NLGN1: variants seen among roughly 807,000 people sequenced by gnomAD.
NLGN1 encodes neuroligin 1, also known as neuroligin-1.
A neutral mutation model predicts 65.5 loss-of-function variants in NLGN1; 12 were observed. That is an observed-to-expected ratio of 0.18 (90% CI 0.12 to 0.30). NLGN1 has a LOEUF of 0.30. NLGN1 is among the 10% of genes least tolerant of loss of function. The pLI is 1.00. For synonymous variants in NLGN1, 350 were observed against 359.5 expected (o/e 0.97, Z 0.30); for missense variants, 750 against 1,007.1 (o/e 0.74, Z 3.46).
intron 4 of NLGN1, among the ~76,000 whole-genome samples, chr3:173,953,204 T>C (rs1382667567): frequency 6.6e-6 from 1 of 152,242 alleles, no homozygotes; most frequent in African/African-American, 2.4e-5. Flanking sequence ...TTTAAACATG[T>C]AAGTGACTGT....
chr3:173,749,428 C>T (rs1485313443), intron 3 of NLGN1, among the ~76,000 whole-genome samples: 1 of 152,128 alleles, frequency 6.6e-6, no homozygotes, highest in South Asian at 2.1e-4. Flanking sequence ...CTTGAAGATA[C>T]TCTTCTAAAT....
chr3:174,294,286 T>C, the NLGN1 span, among the ~76,000 whole-genome samples: 3 of 151,944 alleles, frequency 2.0e-5, no homozygotes, highest in Non-Finnish European at 4.4e-5. Flanking sequence ...TCCTTTACTT[T>C]GTATATTTTT....
At chr3:173,397,427 TTC>T (rs754812960), upstream of NLGN1, among the ~76,000 whole-genome samples, 147 of 152,260 alleles carry the variant, frequency 9.7e-4, no homozygotes, top group Non-Finnish European at 1.4e-3. Context: ...CCCTCATTTC[TTC>T]TTCTGTGCCG....
intron 3 of NLGN1, 140 bp from the exon 4 acceptor site, chr3:173,807,540 A>C (rs1054476708): frequency 2.3e-6 from 2 of 882,268 alleles, no homozygotes; most frequent in Non-Finnish European, 1.7e-6. Context: ...GAGTTGCTTA[A>C]GAAACACTTT....
chr3:173,817,093 T>C (rs1719181049), intron 4 of NLGN1, among the ~76,000 whole-genome samples: 1 of 152,144 alleles, frequency 6.6e-6, no homozygotes, highest in African/African-American at 2.4e-5. Context: ...CAATAGGTGT[T>C]GATCAGATGT....
Position 174,266,450 on chromosome 3 carries a change from A to T in NLGN1, c.647-8865A>T, listed in dbSNP as rs112641634. On this transcript the variant is annotated intron_variant, in intron 4 of 6. Coordinates refer to ENST00000457714, the Ensembl canonical transcript of NLGN1. The stretch of plus-strand genomic sequence containing the variant: ...ATATGTACGACATTTTCTTTATCCA[A>T]TCCACCACTGATGGGTATCTATGTT... Among the ~76,000 whole-genome samples the T allele has an allele frequency of 2.8e-3, 422 of 152,154 alleles. 2 individuals are homozygous for T. Among genetic ancestry groups the T allele is most frequent in the African/African-American group, 9.9e-3 (413 of 41,518 alleles).
intron 4 of NLGN1, among the ~76,000 whole-genome samples, chr3:173,985,078 T>G (rs1204097505): frequency 6.6e-6 from 1 of 152,134 alleles, no homozygotes; most frequent in Non-Finnish European, 1.5e-5. Context: ...GGTGCCAAAC[T>G]TCAAGGATGT....
At chr3:173,935,827 A>G (rs756869456) in intron 4 of NLGN1, among the ~76,000 whole-genome samples, 13 of 152,000 alleles carry the variant, frequency 8.6e-5, no homozygotes, top group Non-Finnish European at 1.6e-4. Context: ...AGGATTAAAA[A>G]TTACTAGAAT....
intron 2 of NLGN1, chr3:173,435,146 A>G (rs1717877882): frequency 6.6e-6 from 1 of 152,586 alleles, no homozygotes; most frequent in South Asian, 2.1e-4. Flanking sequence ...AAAAGCTCCC[A>G]CGGCAAAACA....
intron 4 of NLGN1, among the ~76,000 whole-genome samples, chr3:174,115,727 A>C (rs1380913116): frequency 6.6e-6 from 1 of 152,188 alleles, no homozygotes; most frequent in East Asian, 1.9e-4. Flanking sequence ...TGTCACAATA[A>C]CAAAGACAAA....
At chr3:174,272,655 ATG>A (rs1195873566) in intron 4 of NLGN1, among the ~76,000 whole-genome samples, 1 of 117,096 alleles carries the variant, frequency 8.5e-6, no homozygotes, top group African/African-American at 3.2e-5. Flanking sequence ...ATATGGATGG[ATG>A]GATGGATGGA....
intron 2 of NLGN1, among the ~76,000 whole-genome samples, chr3:173,602,617 T>C (rs182460782): frequency 6.6e-6 from 1 of 152,142 alleles, no homozygotes; most frequent in Non-Finnish European, 1.5e-5. Context: ...GTATTTGATA[T>C]CAGTTGTGCG....
chr3:173,789,224 GAA>G (rs779735911), intron 3 of NLGN1, among the ~76,000 whole-genome samples: 7 of 151,532 alleles, frequency 4.6e-5, no homozygotes, highest in African/African-American at 1.7e-4. Context: ...GAGAGAGAGA[GAA>G]AGAAAGAAGG....
chr3:174,122,910 A>G (rs1718081350), intron 4 of NLGN1, among the ~76,000 whole-genome samples: 1 of 152,002 alleles, frequency 6.6e-6, no homozygotes, highest in African/African-American at 2.4e-5. Context: ...TAAAAATAAA[A>G]TGTAATAATA....
chr3:174,186,266 A>T (rs569600923), intron 4 of NLGN1, among the ~76,000 whole-genome samples: 2 of 152,144 alleles, frequency 1.3e-5, no homozygotes, highest in East Asian at 3.9e-4. Flanking sequence ...CCTGTCTCCT[A>T]CCTGCCATTC....
At chr3:174,288,729 G>A (rs544010221), downstream of NLGN1, among the ~76,000 whole-genome samples, 56 of 151,386 alleles carry the variant, frequency 3.7e-4, no homozygotes, top group South Asian at 0.011. Flanking sequence ...AAACACTTAC[G>A]TATAGTTCAT....
At chr3:173,838,665 C>G (rs998810277) in intron 4 of NLGN1, among the ~76,000 whole-genome samples, 2 of 152,120 alleles carry the variant, frequency 1.3e-5, no homozygotes, top group African/African-American at 4.8e-5. Context: ...GAATGAATCA[C>G]TGCTGCTTTT....
intron 4 of NLGN1, among the ~76,000 whole-genome samples, chr3:173,896,768 A>G (rs1736423870): frequency 6.6e-6 from 1 of 152,108 alleles, no homozygotes. Context: ...AGCTGTCTCA[A>G]TGCCACCTCC....
chr3:173,594,104 G>T (rs558602193), intron 2 of NLGN1, among the ~76,000 whole-genome samples: 1 of 152,070 alleles, frequency 6.6e-6, no homozygotes, highest in South Asian at 2.1e-4. Flanking sequence ...TCATGTCCTC[G>T]CATTTCAAAA....
Sources: gnomAD v4.1 joint callset for allele counts (sites outside exome capture counted in the v4.1 genomes callset) on GRCh38, gnomAD v4.1.1 for gene constraint, MANE v1.5 for transcripts, NCBI Gene and HGNC (gene_info 2026-07-23, HGNC 2026-07-21) for gene names.